Variants in MYCBP observed in about 807,000 individuals in gnomAD.
MYCBP encodes the protein MYC binding protein, also known as C-Myc-binding protein.
MYCBP carries 5 observed loss-of-function variants against 16.8 expected under a neutral mutation model. That is an observed-to-expected ratio of 0.30 (90% confidence interval 0.16 to 0.63). The LOEUF (loss-of-function observed/expected upper bound fraction) is 0.63. Ranked by LOEUF, MYCBP falls within the 20% of genes least tolerant of loss-of-function variation. The pLI is 0.83. For synonymous variants in MYCBP, 35 were observed against 43.7 expected, an observed-to-expected ratio of 0.80 and a Z score of 0.79; for missense variants, 103 against 121.8, an observed-to-expected ratio of 0.85 and a Z score of 0.73.
chr1:38,867,609 C>A lies in MYCBP; in HGVS notation c.90G>T (p.Val30=). 1 of 1,613,496 alleles carries A rather than the reference C, an allele frequency of 6.2e-7. No individual in the cohort carries two copies. Among genetic ancestry groups the A allele is most frequent in the Non-Finnish European group, 8.5e-7 (1 of 1,179,740 alleles). ...KSGVLDTLTK[V]LVALYEEPEK... is the part of the protein sequence containing the mutation. ...CTGGTTCTTCATATAAGGCTACCAA[C>A]ACTGCAAATCAAAAAGCAGAAAAAG... Residue 30 remains valine (V), a splice_region_variant and synonymous_variant, in exon 3 of 5, where the codon GTG becomes GTT. Coordinates refer to ENST00000397572, the MANE Select transcript of MYCBP (RefSeq NM_012333.5).
chr1:38,868,716 T>C (rs12068144), intron 2 of MYCBP, among the ~76,000 whole-genome samples: 2,367 of 152,158 alleles, frequency 0.016, 48 homozygotes, highest in African/African-American at 0.049. Context: ...CCATCCTGGC[T>C]AACACAGTGA....
intron 2 of MYCBP, among the ~76,000 whole-genome samples, chr1:38,868,738 T>C (rs1642392430): frequency 6.6e-6 from 1 of 151,590 alleles, no homozygotes; most frequent in Non-Finnish European, 1.5e-5. Context: ...ACCCCGTCTC[T>C]ACTAAAAAAT....
intron 2 of MYCBP, among the ~76,000 whole-genome samples, chr1:38,871,495 C>T (rs1642466793): frequency 1.4e-5 from 2 of 145,388 alleles, no homozygotes; most frequent in Admixed American, 1.4e-4. Flanking sequence ...CAACTCACTG[C>T]AGCCTTGACC....
chr1:38,869,112 G>C (rs901850446), intron 2 of MYCBP, among the ~76,000 whole-genome samples: 1 of 140,282 alleles, frequency 7.1e-6, no homozygotes, highest in Non-Finnish European at 1.5e-5. Context: ...TTTTGAGATA[G>C]AGTTTTGCTC....
At chr1:38,873,137 GGAA>G in intron 1 of MYCBP, 47 bp from the exon 2 acceptor site, 1 of 1,552,642 alleles carries the variant, frequency 6.4e-7, no homozygotes, top group Non-Finnish European at 8.7e-7. Flanking sequence ...GAGCCGAGCA[GGAA>G]GAAGGCGCTG....
At chr1:38,866,857 A>G (rs1394090060) in intron 4 of MYCBP, 23 bp downstream of exon 4, 1 of 1,456,724 alleles carries the variant, frequency 6.9e-7, no homozygotes. Context: ...TTATTTGAAT[A>G]TGAATTCTTT....
Position 38,864,507 on chromosome 1 carries a change from T to A in MYCBP, c.*163A>T, listed in dbSNP as rs1642297201. On this transcript the variant is annotated 3_prime_UTR_variant, in exon 5 of 5. Transcript: ENST00000397572. ...CTTTAAGACCCAAAGAAAGTTATAT[T>A]GAGTTTTTATTGATGATTCTATGTG... is the stretch of plus-strand genomic sequence containing the variant. 1.3e-6 allele frequency: 1 copy of A among 744,926 alleles called. No homozygotes were observed. Among genetic ancestry groups the A allele is most frequent in the Non-Finnish European group, 2.2e-6 (1 of 451,418 alleles). The allele number at this position is 744,926 out of a possible 1,614,324, so 46.1% of individuals were successfully genotyped here.
intron 2 of MYCBP, among the ~76,000 whole-genome samples, chr1:38,868,721 C>T (rs1039178753): frequency 1.5e-4 from 23 of 151,996 alleles, no homozygotes; most frequent in African/African-American, 4.1e-4. Context: ...CTGGCTAACA[C>T]AGTGAAACCC....
In MYCBP at chr1:38,863,266, T is replaced by A. The variant is rs1642276590; in HGVS notation, c.*1404A>T. ...GCCCTTTTTATTGGCTTGGTCATAG[T>A]CTCCAACAGGTGCCAAGGCTTTTGC... On this transcript the variant is annotated 3_prime_UTR_variant, in exon 5 of 5. Coordinates refer to ENST00000397572, the MANE Select transcript of MYCBP (RefSeq NM_012333.5). 6.6e-6 allele frequency: 1 copy of A among 152,210 alleles called. No individual in the cohort carries two copies. 9.4% of individuals were successfully genotyped at this position (152,210 alleles called of 1,614,324 possible). A position where few individuals can be genotyped will look rare whatever the true frequency, so the allele number is the denominator to read the frequency against.
chr1:38,865,043 G>A (rs570227709), intron 4 of MYCBP, among the ~76,000 whole-genome samples: 3 of 152,232 alleles, frequency 2.0e-5, no homozygotes, highest in Admixed American at 1.3e-4. Context: ...TTCCTCTCCA[G>A]CAAAAGTTTA....
At position 38,873,285 on chromosome 1, in the gene MYCBP, C is replaced by T; in HGVS notation, c.15+6G>A. 1 of 1,602,516 alleles carries T rather than the reference C, an allele frequency of 6.2e-7. No individual in the cohort carries two copies. The highest frequency in any genetic ancestry group is 1.7e-4 in the Middle Eastern group (1 of 5,822). ...CATGCCCCCAGCCACGCCGCGCCCC[C>T]CTCACTTTGTAATGGGCCATAGTGA... On this transcript the variant is annotated splice_donor_region_variant and intron_variant, in intron 1 of 4. Coordinates refer to ENST00000397572, the MANE Select transcript of MYCBP (RefSeq NM_012333.5).
intron 2 of MYCBP, among the ~76,000 whole-genome samples, chr1:38,872,793 CA>C (rs1642493271): frequency 6.6e-6 from 1 of 152,262 alleles, no homozygotes; most frequent in Non-Finnish European, 1.5e-5. Flanking sequence ...GCAACAGCTG[CA>C]AGAGTTTCAC....
chr1:38,870,948 G>T (rs1642451412), intron 2 of MYCBP, among the ~76,000 whole-genome samples: 1 of 151,624 alleles, frequency 6.6e-6, no homozygotes, highest in African/African-American at 2.4e-5. Flanking sequence ...AGATTGAGAG[G>T]TTAAATTCTA....
intron 2 of MYCBP, among the ~76,000 whole-genome samples, chr1:38,869,817 G>A (rs1642421445): frequency 6.6e-6 from 1 of 151,450 alleles, no homozygotes; most frequent in Non-Finnish European, 1.5e-5. Context: ...AAGACAGGAG[G>A]ATTGCTTGAG....
chr1:38,862,866 A>T lies in MYCBP; in HGVS notation c.*1804T>A, dbSNP rs1245664327. The T allele has an allele frequency of 6.6e-6, 1 of 152,240 alleles. No individual in the cohort carries two copies. Among genetic ancestry groups the T allele is most frequent in the Non-Finnish European group, 1.5e-5 (1 of 68,036 alleles). 9.4% of individuals were successfully genotyped at this position (152,240 alleles called of 1,614,324 possible). On this transcript the variant is annotated 3_prime_UTR_variant, in exon 5 of 5. Coordinates refer to ENST00000397572, the MANE Select transcript of MYCBP (RefSeq NM_012333.5). The stretch of plus-strand genomic sequence containing the variant: ...ACTGACATAAATATTAATACTAATC[A>T]AATGAGTAAAAAGCCCATGAGGATT...
At chr1:38,870,835 G>C (rs1421795745) in intron 2 of MYCBP, among the ~76,000 whole-genome samples, 1 of 119,908 alleles carries the variant, frequency 8.3e-6, no homozygotes, top group African/African-American at 3.2e-5. Flanking sequence ...AAAACAAATA[G>C]AATTGTGTAA....
rs1259295714 is a variant in MYCBP, at chr1:38,867,019, AT to A, written c.138-11del. ...GTGATGCTTTAAAAAACTATTATCA[AT>A]GTTAAGAACTTACTTCTTAGACATG... On this transcript the variant is annotated splice_polypyrimidine_tract_variant and intron_variant, in intron 3 of 4. Transcript: ENST00000397572. The A allele has an allele frequency of 2.5e-6, 4 of 1,605,310 alleles. No individual in the cohort carries two copies. Among genetic ancestry groups the A allele is most frequent in the Admixed American group, 3.4e-5 (2 of 59,602 alleles).
Position 38,867,585 on chromosome 1 carries a change from T to C in MYCBP, c.114A>G (p.Pro38=). 1 of 1,613,874 alleles carries C rather than the reference T, an allele frequency of 6.2e-7. No homozygotes were observed. Among genetic ancestry groups the C allele is most frequent in the Non-Finnish European group, 8.5e-7 (1 of 1,179,942 alleles). The change falls in exon 3 of 5, where the codon CCA becomes CCG. Residue 38 remains proline (P), a synonymous_variant. Coordinates refer to ENST00000397572, the MANE Select transcript of MYCBP (RefSeq NM_012333.5). The part of the protein sequence containing the change: ...TKVLVALYEE[P]EKPNSALDFL... The stretch of plus-strand genomic sequence containing the variant: ...ACTCCAAAGCACTGTTAGGTTTCTC[T>C]GGTTCTTCATATAAGGCTACCAACA...
intron 2 of MYCBP, among the ~76,000 whole-genome samples, chr1:38,868,649 T>C (rs1642388255): frequency 6.6e-6 from 1 of 152,194 alleles, no homozygotes; most frequent in Non-Finnish European, 1.5e-5. Context: ...CTCACACCTG[T>C]AATCCCAGCA....
Sources: gnomAD v4.1 joint callset for allele counts (sites outside exome capture counted in the v4.1 genomes callset) on GRCh38, gnomAD v4.1.1 for gene constraint, MANE v1.5 for transcripts, NCBI Gene and HGNC (gene_info 2026-07-23, HGNC 2026-07-21) for gene names.